The following SLC2A13 variants were observed in gnomAD, a reference collection of about 807,000 sequenced individuals.
SLC2A13 encodes solute carrier family 2 member 13.
A neutral mutation model predicts 64.4 loss-of-function variants in SLC2A13; 32 were observed. The observed-to-expected ratio is 0.50, with a 90% CI of 0.37 to 0.67. The LOEUF (loss-of-function observed/expected upper bound fraction) is 0.67. SLC2A13 is among the 30% of genes least tolerant of loss of function. SLC2A13 has a pLI of 0.00. For missense variants in SLC2A13, 743 were observed against 829.2 expected, an observed-to-expected ratio of 0.90 and a Z score of 1.28; for synonymous variants, 338 against 327.1, an observed-to-expected ratio of 1.03 and a Z score of -0.36.
At chr12:39,997,325 C>T (rs1270398447) in intron 3 of SLC2A13, among the ~76,000 whole-genome samples, 2 of 152,160 alleles carry the variant, frequency 1.3e-5, no homozygotes, top group Non-Finnish European at 2.9e-5. Flanking sequence ...AAATAATTGG[C>T]TAGCCATGTG....
chr12:40,075,510 T>C (rs2136275587), intron 1 of SLC2A13, among the ~76,000 whole-genome samples: 1 of 152,298 alleles, frequency 6.6e-6, no homozygotes, highest in East Asian at 1.9e-4. Context: ...GACTGGTGAC[T>C]ACAAGCTCCT....
intron 3 of SLC2A13, among the ~76,000 whole-genome samples, chr12:39,984,987 T>C (rs1947002270): frequency 6.6e-6 from 1 of 152,140 alleles, no homozygotes; most frequent in Non-Finnish European, 1.5e-5. Flanking sequence ...AAAGCGAGAA[T>C]ATCATAACTA....
chr12:39,937,665 A>G (rs1592299241), intron 4 of SLC2A13, among the ~76,000 whole-genome samples: 1 of 152,318 alleles, frequency 6.6e-6, no homozygotes, highest in Non-Finnish European at 1.5e-5. Context: ...GATACTTTAC[A>G]AACCATGGAG....
intron 4 of SLC2A13, among the ~76,000 whole-genome samples, chr12:39,924,276 G>T (rs1386678971): frequency 6.6e-6 from 1 of 152,012 alleles, no homozygotes; most frequent in Non-Finnish European, 1.5e-5. Flanking sequence ...TACACAGGTT[G>T]TTGTCTTTTT....
chr12:39,873,216 A>C (rs1944101350), intron 4 of SLC2A13, among the ~76,000 whole-genome samples: 1 of 152,180 alleles, frequency 6.6e-6, no homozygotes. Context: ...TACTGATCAC[A>C]CTAAAAAGCT....
At chr12:39,924,898 T>TA (rs967927551) in intron 4 of SLC2A13, among the ~76,000 whole-genome samples, 1 of 152,086 alleles carries the variant, frequency 6.6e-6, no homozygotes, top group Non-Finnish European at 1.5e-5. Context: ...TAATACATTG[T>TA]AAAAAATCTG....
intron 3 of SLC2A13, among the ~76,000 whole-genome samples, chr12:39,977,223 A>C (rs1027799545): frequency 6.6e-6 from 1 of 152,224 alleles, no homozygotes. Context: ...GCAGATTAGC[A>C]AACAAAGGCT....
At chr12:39,872,642 G>C (rs937405379) in intron 4 of SLC2A13, among the ~76,000 whole-genome samples, 1 of 152,242 alleles carries the variant, frequency 6.6e-6, no homozygotes, top group African/African-American at 2.4e-5. Context: ...CATAATGCCA[G>C]TTTGTTGATG....
chr12:39,781,765 C>T (rs929469069), intron 7 of SLC2A13, among the ~76,000 whole-genome samples: 7 of 152,142 alleles, frequency 4.6e-5, no homozygotes, highest in African/African-American at 1.2e-4. Flanking sequence ...AGACATTTGT[C>T]GTGCTTCTCT....
At chr12:39,962,824 A>G (rs768339427) in intron 3 of SLC2A13, among the ~76,000 whole-genome samples, 2 of 152,128 alleles carry the variant, frequency 1.3e-5, no homozygotes, top group African/African-American at 2.4e-5. Flanking sequence ...GGCCATTTAG[A>G]AGCTGTGTGA....
At chr12:40,082,400 A>C (rs2136285619) in intron 1 of SLC2A13, among the ~76,000 whole-genome samples, 1 of 152,250 alleles carries the variant, frequency 6.6e-6, no homozygotes, top group South Asian at 2.1e-4. Context: ...TTTGAGTTGT[A>C]ATCAGTTACA....
At chr12:39,871,165 G>C (rs1189202504) in intron 5 of SLC2A13, among the ~76,000 whole-genome samples, 2 of 152,082 alleles carry the variant, frequency 1.3e-5, no homozygotes, top group Non-Finnish European at 2.9e-5. Flanking sequence ...AACAGTCCTT[G>C]TGTACAGTGA....
At chr12:39,777,796 C>G (rs1279595814) in intron 7 of SLC2A13, among the ~76,000 whole-genome samples, 1 of 152,156 alleles carries the variant, frequency 6.6e-6, no homozygotes, top group African/African-American at 2.4e-5. Flanking sequence ...CGGATGAGAG[C>G]CCAGTCCACT....
intron 1 of SLC2A13, among the ~76,000 whole-genome samples, chr12:40,072,420 T>C (rs1018529326): frequency 1.3e-5 from 2 of 152,130 alleles, no homozygotes; most frequent in East Asian, 1.9e-4. Flanking sequence ...AATGGTGTTG[T>C]TGAGTTCAAC....
intron 6 of SLC2A13, among the ~76,000 whole-genome samples, chr12:39,843,913 CTTAAG>C (rs1943241267): frequency 6.6e-6 from 1 of 151,992 alleles, no homozygotes; most frequent in Non-Finnish European, 1.5e-5. Flanking sequence ...TGGCACATGT[CTTAAG>C]TTATCAGTAT....
Position 39,968,760 on chromosome 12 carries a change from G to GTTTATATA in SLC2A13, c.926-17396_926-17395insTATATAAA, listed in dbSNP as rs1555144118. 3.8e-3 allele frequency among the ~76,000 whole-genome samples: 225 copies of GTTTATATA among 59,816 alleles called. 16 individuals are homozygous for GTTTATATA. The highest frequency in any genetic ancestry group is 6.9e-3 in the Non-Finnish European group (152 of 21,990). The allele number at this position is 59,816 out of a possible 152,430, so 39.2% of individuals were successfully genotyped here. A position where few individuals can be genotyped will look rare whatever the true frequency, so the allele number is the denominator to read the frequency against. ...TTTTTATTTTTGTTGTTTTTTTTTG[G>GTTTATATA]TATATATATATATATATATATATAT... On this transcript the variant is annotated intron_variant, in intron 3 of 9. Transcript: ENST00000280871.
chr12:39,924,704 A>G (rs1023081676), intron 4 of SLC2A13, among the ~76,000 whole-genome samples: 1 of 152,148 alleles, frequency 6.6e-6, no homozygotes, highest in Non-Finnish European at 1.5e-5. Context: ...GAGGACAGTG[A>G]TAAGACTAGC....
At chr12:40,000,064 C>T (rs937853990) in intron 3 of SLC2A13, among the ~76,000 whole-genome samples, 19 of 152,286 alleles carry the variant, frequency 1.2e-4, no homozygotes, top group South Asian at 2.1e-4. Context: ...AAATAAGTCT[C>T]ATGAGATCTG....
intron 2 of SLC2A13, among the ~76,000 whole-genome samples, chr12:40,044,773 A>G (rs1017192316): frequency 6.6e-6 from 1 of 152,212 alleles, no homozygotes; most frequent in African/African-American, 2.4e-5. Flanking sequence ...TGTTTCTACA[A>G]CATCAAAATC....
Sources: gnomAD v4.1 joint callset for allele counts (sites outside exome capture counted in the v4.1 genomes callset) on GRCh38, gnomAD v4.1.1 for gene constraint, MANE v1.5 for transcripts, NCBI Gene and HGNC (gene_info 2026-07-23, HGNC 2026-07-21) for gene names.